KCNMA1: variants seen among roughly 807,000 people sequenced by gnomAD.
KCNMA1 encodes Calcium-activated potassium channel subunit alpha-1.
Under a neutral mutation model 140.0 loss-of-function variants are expected in KCNMA1, and 29 were observed. The observed-to-expected ratio is 0.21, with a 90% CI of 0.15 to 0.28. KCNMA1 has a LOEUF of 0.28. Ranked by LOEUF, KCNMA1 falls within the 10% of genes least tolerant of loss-of-function variation. The probability of loss-of-function intolerance (pLI) is 1.00; values close to 1 mark genes in which losing one functional copy is unlikely to be tolerated. For missense variants in KCNMA1, 880 were observed against 1,602.2 expected, an observed-to-expected ratio of 0.55 and a Z score of 7.70; for synonymous variants, 612 against 611.9, an observed-to-expected ratio of 1.00 and a Z score of 0.00.
At chr10:77,461,773 G>A (rs1297454523) in intron 1 of KCNMA1, among the ~76,000 whole-genome samples, 1 of 152,190 alleles carries the variant, frequency 6.6e-6, no homozygotes, top group Non-Finnish European at 1.5e-5. Flanking sequence ...TGTTGACCCT[G>A]TGTGCTTTGT....
intron 3 of KCNMA1, among the ~76,000 whole-genome samples, chr10:77,236,338 C>T (rs1382585365): frequency 6.6e-6 from 1 of 152,156 alleles, no homozygotes; most frequent in Non-Finnish European, 1.5e-5. Context: ...TAAATTGTAA[C>T]CGTGAGTATA....
intron 15 of KCNMA1, among the ~76,000 whole-genome samples, chr10:77,029,936 A>C (rs920770158): frequency 1.1e-4 from 16 of 152,220 alleles, no homozygotes; most frequent in African/African-American, 3.1e-4. Context: ...TCTACAGCTT[A>C]TTATAAGTGG....
At chr10:77,362,466 A>G (rs2094051283) in intron 2 of KCNMA1, among the ~76,000 whole-genome samples, 2 of 151,466 alleles carry the variant, frequency 1.3e-5, no homozygotes, top group South Asian at 4.2e-4. Context: ...TCCTGCCCAT[A>G]TGTCTTTGGG....
chr10:77,468,919 C>T (rs2098091828), intron 1 of KCNMA1, among the ~76,000 whole-genome samples: 4 of 152,188 alleles, frequency 2.6e-5, no homozygotes. Flanking sequence ...CTGGTCTCTG[C>T]ATGCTTCATC....
At chr10:77,632,846 C>T (rs140724163) in intron 1 of KCNMA1, among the ~76,000 whole-genome samples, 26 of 152,316 alleles carry the variant, frequency 1.7e-4, no homozygotes, top group African/African-American at 6.0e-4. Context: ...GCCCATTATT[C>T]CTGCTCCCTA....
At chr10:76,927,222 C>G (rs1207802449) in intron 23 of KCNMA1, among the ~76,000 whole-genome samples, 1 of 152,108 alleles carries the variant, frequency 6.6e-6, no homozygotes, top group African/African-American at 2.4e-5. Flanking sequence ...AGTTTTATAC[C>G]TTTGCCCAGA....
intron 1 of KCNMA1, among the ~76,000 whole-genome samples, chr10:77,427,720 CATTT>C (rs771995453): frequency 0.23 from 15,392 of 67,290 alleles, 964 homozygotes; most frequent in East Asian, 0.31. Context: ...TCCATCCATT[CATTT>C]ATTTATTTAT....
At chr10:77,559,959 C>T (rs1275425212) in intron 1 of KCNMA1, among the ~76,000 whole-genome samples, 6 of 151,882 alleles carry the variant, frequency 4.0e-5, no homozygotes, top group African/African-American at 7.2e-5. Context: ...AGGTGGATCA[C>T]GAGGTCAGGA....
chr10:77,443,121 C>T (rs1365723780), intron 1 of KCNMA1, among the ~76,000 whole-genome samples: 3 of 152,222 alleles, frequency 2.0e-5, no homozygotes, highest in Admixed American at 6.5e-5. Flanking sequence ...AAAGAAAAAG[C>T]CCATGGGGGC....
At chr10:77,453,724 G>C (rs936754985) in intron 1 of KCNMA1, among the ~76,000 whole-genome samples, 1 of 152,236 alleles carries the variant, frequency 6.6e-6, no homozygotes, top group African/African-American at 2.4e-5. Context: ...GAACTGCCCA[G>C]TGAATACTTG....
intron 23 of KCNMA1, among the ~76,000 whole-genome samples, chr10:76,929,377 C>A (rs954045969): frequency 6.6e-6 from 1 of 152,174 alleles, no homozygotes; most frequent in Non-Finnish European, 1.5e-5. Context: ...TGCCCACCTG[C>A]CTTGACCTCT....
At chr10:76,890,622 TG>T (rs1235969257) in intron 26 of KCNMA1, among the ~76,000 whole-genome samples, 2 of 152,200 alleles carry the variant, frequency 1.3e-5, no homozygotes, top group African/African-American at 4.8e-5. Flanking sequence ...ACCCTTTCCT[TG>T]GCTCCTTTTC....
intron 1 of KCNMA1, among the ~76,000 whole-genome samples, chr10:77,482,608 C>A (rs1455185009): frequency 6.6e-6 from 1 of 152,134 alleles, no homozygotes; most frequent in Non-Finnish European, 1.5e-5. Flanking sequence ...CCTGCCCCTT[C>A]CAGCCACATG....
At chr10:77,001,871 C>T (rs745668649) in intron 18 of KCNMA1, among the ~76,000 whole-genome samples, 5 of 152,124 alleles carry the variant, frequency 3.3e-5, no homozygotes, top group African/African-American at 9.7e-5. Context: ...TGAATACACT[C>T]GGGTTCTCAA....
chr10:77,625,367 C>T (rs1383333598), intron 1 of KCNMA1, among the ~76,000 whole-genome samples: 2 of 151,778 alleles, frequency 1.3e-5, no homozygotes, highest in Non-Finnish European at 2.9e-5. Flanking sequence ...GGCGACAGAG[C>T]GAGACTCTGC....
At chr10:77,481,158 C>T (rs566487658) in intron 1 of KCNMA1, among the ~76,000 whole-genome samples, 25 of 151,368 alleles carry the variant, frequency 1.7e-4, no homozygotes, top group Non-Finnish European at 2.6e-4. Flanking sequence ...CACATACACA[C>T]GCGTGCACAC....
chr10:77,587,964 G>A, intron 1 of KCNMA1: 7 of 586,212 alleles, frequency 1.2e-5, no homozygotes, highest in Non-Finnish European at 1.5e-5. Flanking sequence ...AAATAATACT[G>A]CAAAGCACTC....
chr10:77,279,581 G>T (rs946867028), intron 2 of KCNMA1, among the ~76,000 whole-genome samples: 4 of 152,228 alleles, frequency 2.6e-5, no homozygotes, highest in African/African-American at 9.7e-5. Flanking sequence ...CAGCAAGGGT[G>T]TGATGATTTT....
intron 1 of KCNMA1, among the ~76,000 whole-genome samples, chr10:77,539,441 G>A (rs1273810315): frequency 6.6e-6 from 1 of 152,202 alleles, no homozygotes; most frequent in Non-Finnish European, 1.5e-5. Context: ...GGGATACCCA[G>A]ATAATGGAGC....
Sources: gnomAD v4.1 joint callset for allele counts (sites outside exome capture counted in the v4.1 genomes callset) on GRCh38, gnomAD v4.1.1 for gene constraint, MANE v1.5 for transcripts, NCBI Gene and HGNC (gene_info 2026-07-23, HGNC 2026-07-21) for gene names.